Variants in QRICH1 observed in about 807,000 individuals in gnomAD.
QRICH1 encodes the protein glutamine rich 1.
QRICH1 carries 16 observed loss-of-function variants against 87.1 expected under a neutral mutation model. The observed-to-expected ratio is 0.18, with a 90% confidence interval of 0.12 to 0.28. The LOEUF (loss-of-function observed/expected upper bound fraction) is 0.28. QRICH1 is among the 10% of genes least tolerant of loss of function. The probability of loss-of-function intolerance (pLI) is 1.00; values close to 1 mark genes in which losing one functional copy is unlikely to be tolerated. For missense variants in QRICH1, 647 were observed against 951.7 expected (o/e 0.68, Z 4.21); for synonymous variants, 367 against 368.4 (o/e 1.00, Z 0.05).
intron 2 of QRICH1, among the ~76,000 whole-genome samples, chr3:49,066,436 T>C (rs1326450264): frequency 6.6e-6 from 1 of 152,138 alleles, no homozygotes; most frequent in Non-Finnish European, 1.5e-5. Flanking sequence ...CTTCATGCTT[T>C]ACTGTATTTC....
intron 2 of QRICH1, among the ~76,000 whole-genome samples, chr3:49,068,464 A>AC (rs1311720781): frequency 1.6e-5 from 1 of 63,316 alleles, no homozygotes; most frequent in Non-Finnish European, 2.9e-5. Flanking sequence ...TCTCAAAAAA[A>AC]TTAAAAAAAA....
intron 2 of QRICH1, among the ~76,000 whole-genome samples, chr3:49,068,529 G>A (rs1298334327): frequency 6.6e-6 from 1 of 151,496 alleles, no homozygotes; most frequent in Non-Finnish European, 1.5e-5. Context: ...GGAGACTGAA[G>A]CAGGAGGATC....
At chr3:49,053,486 CAA>C (rs11417565) in intron 3 of QRICH1, among the ~76,000 whole-genome samples, 12 of 112,900 alleles carry the variant, frequency 1.1e-4, no homozygotes, top group African/African-American at 1.3e-4. Context: ...CCCCCTGTCT[CAA>C]AAAAAAAAAA....
intron 6 of QRICH1, among the ~76,000 whole-genome samples, chr3:49,036,199 T>C (rs1421430629): frequency 2.0e-5 from 3 of 152,236 alleles, no homozygotes; most frequent in Non-Finnish European, 2.9e-5. Flanking sequence ...ATTAGCCTTA[T>C]AGTTCTGAAT....
At chr3:49,043,691 A>G (rs1000584629) in intron 6 of QRICH1, among the ~76,000 whole-genome samples, 1 of 151,580 alleles carries the variant, frequency 6.6e-6, no homozygotes, top group African/African-American at 2.4e-5. Flanking sequence ...GCAGGGCATG[A>G]TGGCACATGC....
At position 49,057,366 on chromosome 3, in the gene QRICH1, A is replaced by G. The variant is rs1575348520; in HGVS notation, c.834T>C (p.Ser278=). The G allele has an allele frequency of 6.2e-7, 1 of 1,613,874 alleles. No homozygotes were observed. Among genetic ancestry groups the G allele is most frequent in the South Asian group, 1.1e-5 (1 of 91,078 alleles). The change falls in exon 3 of 10, where the codon AGT becomes AGC. Residue 278 remains serine (S), a synonymous_variant. Coordinates refer to ENST00000395443, the MANE Select transcript of QRICH1 (RefSeq NM_198880.3). This position sits in a 1 kb window ranked among gnomAD's most constrained non-coding sequence, Gnocchi z 5.4. ...VLAIPQGQQQ[S]YVSLRPDLLT... is the part of the protein sequence containing the mutation. The stretch of plus-strand genomic sequence containing the variant: ...GTAAGTCTGGCCTCAAAGACACATA[A>G]CTCTGCTGCTGGCCCTGTGGAATGG...
intron 2 of QRICH1, among the ~76,000 whole-genome samples, chr3:49,064,010 G>A (rs941668060): frequency 6.6e-6 from 1 of 151,824 alleles, no homozygotes; most frequent in Non-Finnish European, 1.5e-5. Flanking sequence ...GGGTTCAAGC[G>A]ATTCTCTTGC....
intron 1 of QRICH1, among the ~76,000 whole-genome samples, chr3:49,079,462 T>G (rs577509430): frequency 6.1e-5 from 9 of 147,992 alleles, no homozygotes; most frequent in Admixed American, 4.7e-4. Flanking sequence ...GTAATATAAA[T>G]ATAATTTTTA....
intron 2 of QRICH1, among the ~76,000 whole-genome samples, chr3:49,063,929 T>C (rs2093450678): frequency 6.6e-6 from 1 of 152,170 alleles, no homozygotes; most frequent in Non-Finnish European, 1.5e-5. Context: ...TTATTTGAGA[T>C]GGAGTTTCAC....
intron 6 of QRICH1, among the ~76,000 whole-genome samples, chr3:49,034,530 C>T (rs541840381): frequency 6.6e-6 from 1 of 152,182 alleles, no homozygotes; most frequent in East Asian, 1.9e-4. Flanking sequence ...CTAACTGCAG[C>T]CTTGAGCTCT....
chr3:49,052,722 C>G (rs370743892), intron 3 of QRICH1, among the ~76,000 whole-genome samples: 1 of 152,112 alleles, frequency 6.6e-6, no homozygotes, highest in East Asian at 1.9e-4. Context: ...CCAGGCTGGT[C>G]TTTAACTCCT....
intron 6 of QRICH1, chr3:49,033,685 A>C (rs771318697): frequency 6.6e-6 from 1 of 152,234 alleles, no homozygotes; most frequent in Non-Finnish European, 1.5e-5. Context: ...TCTCATCTCA[A>C]CTGTCTCTAA....
chr3:49,088,821 G>A (rs2042219763), intron 1 of QRICH1, among the ~76,000 whole-genome samples: 1 of 151,286 alleles, frequency 6.6e-6, no homozygotes, highest in East Asian at 1.9e-4. Flanking sequence ...ATGGGGTCTT[G>A]CCATCTTGCC....
chr3:49,071,434 C>T (rs974182806), intron 2 of QRICH1, among the ~76,000 whole-genome samples: 1 of 152,042 alleles, frequency 6.6e-6, no homozygotes, highest in African/African-American at 2.4e-5. Flanking sequence ...ATCCAAACAC[C>T]CACAAAGTGG....
chr3:49,076,235 T>C (rs35283189), intron 2 of QRICH1, among the ~76,000 whole-genome samples: 11,549 of 152,262 alleles, frequency 0.076, 582 homozygotes, highest in Non-Finnish European at 0.1. Flanking sequence ...TACAATGACA[T>C]GGCAGCACCA....
chr3:49,063,695 A>C (rs1187624674), intron 2 of QRICH1, among the ~76,000 whole-genome samples: 2 of 152,198 alleles, frequency 1.3e-5, no homozygotes, highest in African/African-American at 4.8e-5. Flanking sequence ...AGGCTGAGGA[A>C]GGAAGACTAC....
rs1325420230 is a variant in QRICH1 at position 49,056,991 on chromosome 3, T to G, written c.1209A>C (p.Ala403=). 16 of 1,614,074 alleles carry G rather than the reference T, an allele frequency of 9.9e-6. No homozygotes were observed. In the East Asian group the frequency reaches 3.6e-4, roughly 36 times the overall value. The change falls in exon 3 of 10, where the codon GCA becomes GCC. Residue 403 remains alanine, a synonymous_variant. Transcript: ENST00000395443. ...IHIPVAVQAV[A]GTYQNTAQTV... ...TTTGAGCCGTATTCTGGTACGTGCC[T>G]GCCACAGCCTGCACAGCCACTGGAA...
chr3:49,055,805 A>G (rs1040820803), intron 3 of QRICH1, among the ~76,000 whole-genome samples: 1 of 149,998 alleles, frequency 6.7e-6, no homozygotes, highest in South Asian at 2.1e-4. Context: ...CCTGAGTAGG[A>G]TTACCTGGGA....
At chr3:49,093,576 A>G (rs1292204246) in intron 1 of QRICH1, 1 of 152,378 alleles carries the variant, frequency 6.6e-6, no homozygotes, top group African/African-American at 2.4e-5. Flanking sequence ...CACGGGCCAC[A>G]GCTCCTAGAG....
Sources: gnomAD v4.1 joint callset for allele counts (sites outside exome capture counted in the v4.1 genomes callset) on GRCh38, gnomAD v4.1.1 for gene constraint, Gnocchi (gnomAD v3.1) non-coding constraint, MANE v1.5 for transcripts, NCBI Gene and HGNC (gene_info 2026-07-23, HGNC 2026-07-21) for gene names.